The following C2orf42 variants were observed in gnomAD, a reference collection of about 807,000 sequenced individuals.
C2orf42 encodes the protein uncharacterized protein C2orf42.
Under a neutral mutation model 58.9 loss-of-function variants are expected in C2orf42, and 44 were observed. The observed-to-expected ratio is 0.75, with a 90% CI of 0.59 to 0.96. The LOEUF is 0.96. Ranked by LOEUF, C2orf42 falls within the 40% of genes least tolerant of loss-of-function variation. The pLI is 0.00. For synonymous variants in C2orf42, 239 were observed against 265.4 expected (o/e 0.90, Z 0.97); for missense variants, 630 against 699.2 (o/e 0.90, Z 1.12).
intron 9 of C2orf42, among the ~76,000 whole-genome samples, chr2:70,151,730 T>C (rs753566611): frequency 6.6e-6 from 1 of 152,204 alleles, no homozygotes; most frequent in Non-Finnish European, 1.5e-5. Flanking sequence ...TATACATTTT[T>C]CTCTCAGCAC....
At chr2:70,179,702 C>T in intron 3 of C2orf42, 60 bp from the exon 4 acceptor site, 1 of 632,000 alleles carries the variant, frequency 1.6e-6, no homozygotes, top group Admixed American at 2.5e-5. Context: ...TAAGTATAGG[C>T]CTCTATGTAG....
intron 9 of C2orf42, among the ~76,000 whole-genome samples, chr2:70,153,810 A>G (rs550440560): frequency 2.3e-4 from 35 of 151,876 alleles, no homozygotes; most frequent in Non-Finnish European, 4.0e-4. Flanking sequence ...CTGTAATCCC[A>G]GCATTTTGGG....
Position 70,175,754 on chromosome 2 carries a change from G to C in C2orf42, c.958C>G (p.Leu320Val). 6.2e-7 allele frequency: 1 copy of C among 1,610,334 alleles called. No individual in the cohort carries two copies. The highest frequency in any genetic ancestry group is 8.5e-7 in the Non-Finnish European group (1 of 1,176,610). The change falls in exon 5 of 10, where the codon CTG becomes GTG. Residue 320 changes from leucine to valine, a missense_variant. Leu to Val is a conservative substitution (Grantham distance 32). Transcript: ENST00000264434. Reference sequence around the variant, plus strand: ...TTACTGCTCACTGCATCTTGAGGCAGTAGTGAACTGTTCATCTGTGCACCT... The same window carrying C: ...TTACTGCTCACTGCATCTTGAGGCACTAGTGAACTGTTCATCTGTGCACCT... ...VSGAQMNSSL[L>V]PQDAVSSNLR... is the part of the protein sequence containing the mutation.
intron 1 of C2orf42, among the ~76,000 whole-genome samples, chr2:70,187,906 G>C (rs1014488457): frequency 1.3e-5 from 2 of 152,026 alleles, no homozygotes; most frequent in African/African-American, 4.8e-5. Flanking sequence ...GGCCAGGCTG[G>C]TCTCGAACTC....
At chr2:70,178,346 C>T (rs956751532) in intron 4 of C2orf42, among the ~76,000 whole-genome samples, 1 of 152,192 alleles carries the variant, frequency 6.6e-6, no homozygotes, top group Non-Finnish European at 1.5e-5. Flanking sequence ...GTGGCTCACA[C>T]CTGTAATCCC....
intron 9 of C2orf42, among the ~76,000 whole-genome samples, chr2:70,151,011 GGGATTACA>G (rs1672276654): frequency 6.6e-6 from 1 of 152,124 alleles, no homozygotes. Flanking sequence ...CCCAAGTGCT[GGGATTACA>G]GGCGTGAGCC....
chr2:70,188,859 G>C (rs955067947), intron 1 of C2orf42, among the ~76,000 whole-genome samples: 2 of 152,006 alleles, frequency 1.3e-5, no homozygotes, highest in Non-Finnish European at 2.9e-5. Flanking sequence ...TATCTTCCTT[G>C]CATATTTGGA....
intron 4 of C2orf42, among the ~76,000 whole-genome samples, chr2:70,176,599 T>A (rs1273881396): frequency 6.6e-6 from 1 of 152,174 alleles, no homozygotes; most frequent in Non-Finnish European, 1.5e-5. Context: ...TTTTCCCAAA[T>A]TCTTTATTAT....
intron 5 of C2orf42, among the ~76,000 whole-genome samples, chr2:70,175,342 T>C (rs1252042898): frequency 6.6e-6 from 1 of 152,174 alleles, no homozygotes; most frequent in East Asian, 1.9e-4. Context: ...TCCTCCCTCC[T>C]CCCACGTTTC....
intron 8 of C2orf42, among the ~76,000 whole-genome samples, chr2:70,162,721 C>G (rs1216507341): frequency 5.9e-5 from 9 of 152,126 alleles, no homozygotes; most frequent in Non-Finnish European, 1.3e-4. Context: ...AATCCTTCAT[C>G]TCAGCCTCCT....
intron 7 of C2orf42, 127 bp downstream of exon 7, chr2:70,165,401 T>C: frequency 1.5e-6 from 1 of 653,942 alleles, no homozygotes; most frequent in Non-Finnish European, 2.7e-6. Context: ...GAAGGCTTTG[T>C]GCTCCAGACA....
At chr2:70,174,123 C>T (rs186921846) in intron 5 of C2orf42, among the ~76,000 whole-genome samples, 4 of 152,028 alleles carry the variant, frequency 2.6e-5, no homozygotes, top group Non-Finnish European at 5.9e-5. Flanking sequence ...GCCTGGACAA[C>T]ATGGTGAAAC....
At chr2:70,167,957 G>C (rs1222361198) in intron 6 of C2orf42, among the ~76,000 whole-genome samples, 1 of 151,834 alleles carries the variant, frequency 6.6e-6, no homozygotes, top group African/African-American at 2.4e-5. Flanking sequence ...TCTGGGCTGG[G>C]CACGGTGGTT....
At chr2:70,159,536 C>G (rs1672922306) in intron 9 of C2orf42, among the ~76,000 whole-genome samples, 1 of 147,364 alleles carries the variant, frequency 6.8e-6, no homozygotes, top group Non-Finnish European at 1.5e-5. Flanking sequence ...TGTGGTGAGC[C>G]AAGATCATGC....
chr2:70,171,847 T>A (rs190729200), intron 5 of C2orf42, among the ~76,000 whole-genome samples: 1 of 152,064 alleles, frequency 6.6e-6, no homozygotes, highest in East Asian at 1.9e-4. Context: ...AGTGAAATCT[T>A]GCAGCCCTGG....
intron 1 of C2orf42, among the ~76,000 whole-genome samples, chr2:70,183,143 A>G (rs1674687433): frequency 6.6e-6 from 1 of 152,166 alleles, no homozygotes; most frequent in South Asian, 2.1e-4. Context: ...GGGGTTGTCA[A>G]GAACACTTTA....
intron 9 of C2orf42, among the ~76,000 whole-genome samples, chr2:70,153,366 T>G (rs1672429047): frequency 7.9e-6 from 1 of 126,880 alleles, no homozygotes; most frequent in Non-Finnish European, 1.6e-5. Context: ...TGGACAGATC[T>G]TTTTTTTTTT....
chr2:70,171,271 T>C (rs1673800931), intron 5 of C2orf42, among the ~76,000 whole-genome samples: 1 of 152,058 alleles, frequency 6.6e-6, no homozygotes, highest in African/African-American at 2.4e-5. Context: ...TGAGACCCCA[T>C]CTCAAGTAAA....
chr2:70,179,713 C>G, intron 3 of C2orf42, 71 bp from the exon 4 acceptor site: 1 of 557,216 alleles, frequency 1.8e-6, no homozygotes, highest in Non-Finnish European at 3.2e-6. Flanking sequence ...CTCTATGTAG[C>G]GAAAAGTTAA....
Sources: gnomAD v4.1 joint callset for allele counts (sites outside exome capture counted in the v4.1 genomes callset) on GRCh38, gnomAD v4.1.1 for gene constraint, MANE v1.5 for transcripts, NCBI Gene and HGNC (gene_info 2026-07-23, HGNC 2026-07-21) for gene names.